Variants in FBXO4 observed in about 807,000 individuals in gnomAD.
FBXO4 encodes F-box only protein 4.
Under a neutral mutation model 43.7 loss-of-function variants are expected in FBXO4, and 36 were observed. That is an observed-to-expected ratio of 0.82 (90% CI 0.63 to 1.09). The LOEUF is 1.09. Ranked by LOEUF, FBXO4 falls within the 50% of genes least tolerant of loss-of-function variation. The pLI is 0.00. For missense variants in FBXO4, 435 were observed against 474.1 expected, an observed-to-expected ratio of 0.92 and a Z score of 0.77; for synonymous variants, 180 against 165.6, an observed-to-expected ratio of 1.09 and a Z score of -0.67.
chr5:41,987,762 A>C, the FBXO4 span, among the ~76,000 whole-genome samples: 1 of 152,220 alleles, frequency 6.6e-6, no homozygotes. Context: ...CCAACCTGAT[A>C]ATAAGCTCAT....
chr5:41,975,440 A>G, the FBXO4 span, among the ~76,000 whole-genome samples: 3 of 152,208 alleles, frequency 2.0e-5, no homozygotes, highest in South Asian at 6.2e-4. Flanking sequence ...TACTGAAGCA[A>G]GAGATCTAAA....
the FBXO4 span, among the ~76,000 whole-genome samples, chr5:41,977,016 G>C: frequency 6.6e-6 from 1 of 152,174 alleles, no homozygotes; most frequent in African/African-American, 2.4e-5. Flanking sequence ...CAAAGCTGTG[G>C]CTCAAGCTGT....
chr5:42,005,984 C>T, the FBXO4 span, among the ~76,000 whole-genome samples: 1 of 152,086 alleles, frequency 6.6e-6, no homozygotes, highest in African/African-American at 2.4e-5. Flanking sequence ...CTCTCTTCCC[C>T]TCTTTCCATA....
chr5:41,971,533 C>A, the FBXO4 span, among the ~76,000 whole-genome samples: 1 of 151,954 alleles, frequency 6.6e-6, no homozygotes, highest in Non-Finnish European at 1.5e-5. Context: ...ACTAGCATTT[C>A]ATATGCTAGA....
chr5:42,035,571 A>G, the FBXO4 span, among the ~76,000 whole-genome samples: 1,797 of 152,232 alleles, frequency 0.012, 39 homozygotes, highest in African/African-American at 0.041. Flanking sequence ...ATTACTATCA[A>G]TGTTTTCCTT....
chr5:41,995,429 T>A, the FBXO4 span, among the ~76,000 whole-genome samples: 1 of 152,192 alleles, frequency 6.6e-6, no homozygotes, highest in African/African-American at 2.4e-5. Flanking sequence ...AAGGACTAAG[T>A]GTTCTTCTCT....
chr5:41,993,971 A>T, the FBXO4 span, among the ~76,000 whole-genome samples: 2 of 152,176 alleles, frequency 1.3e-5, no homozygotes, highest in Non-Finnish European at 2.9e-5. Context: ...TCCTTTGGCA[A>T]CATCCTCACA....
chr5:41,990,316 G>A, the FBXO4 span, among the ~76,000 whole-genome samples: 7 of 152,266 alleles, frequency 4.6e-5, no homozygotes, highest in African/African-American at 1.7e-4. Flanking sequence ...AGTTCAGTGT[G>A]GTGGGCAATC....
the FBXO4 span, among the ~76,000 whole-genome samples, chr5:41,948,236 CACCATTCTCCT>C: frequency 6.6e-6 from 1 of 151,226 alleles, no homozygotes; most frequent in African/African-American, 2.4e-5. Context: ...CCCAGGTTCA[CACCATTCTCCT>C]GCCTCAGCCT....
At chr5:42,020,097 G>A in the FBXO4 span, among the ~76,000 whole-genome samples, 1 of 152,092 alleles carries the variant, frequency 6.6e-6, no homozygotes. Flanking sequence ...GAAATAGTGG[G>A]AAGAGAATGC....
the FBXO4 span, among the ~76,000 whole-genome samples, chr5:42,012,770 G>T: frequency 6.6e-6 from 1 of 152,116 alleles, no homozygotes; most frequent in Non-Finnish European, 1.5e-5. Flanking sequence ...CAAATGGCCT[G>T]CATATAACTT....
the FBXO4 span, among the ~76,000 whole-genome samples, chr5:42,002,541 T>A: frequency 3.3e-5 from 5 of 152,216 alleles, no homozygotes; most frequent in Non-Finnish European, 7.3e-5. Flanking sequence ...CTTTCCCTAA[T>A]ATAATTTTCT....
At chr5:42,031,896 C>T in the FBXO4 span, among the ~76,000 whole-genome samples, 1 of 151,940 alleles carries the variant, frequency 6.6e-6, no homozygotes, top group African/African-American at 2.4e-5. Context: ...TAGGAAGCAT[C>T]GTAAGTTCAG....
At chr5:42,023,194 T>C in the FBXO4 span, among the ~76,000 whole-genome samples, 1 of 152,002 alleles carries the variant, frequency 6.6e-6, no homozygotes, top group Admixed American at 6.6e-5. Flanking sequence ...TTTAAAAAAT[T>C]GTTATAATAG....
the FBXO4 span, among the ~76,000 whole-genome samples, chr5:42,017,743 C>A: frequency 4.0e-5 from 6 of 151,858 alleles, no homozygotes; most frequent in Non-Finnish European, 5.9e-5. Flanking sequence ...GCCTCCAGGG[C>A]CATCCATGTT....
At chr5:42,023,723 A>C in the FBXO4 span, among the ~76,000 whole-genome samples, 3 of 151,440 alleles carry the variant, frequency 2.0e-5, no homozygotes, top group African/African-American at 7.3e-5. Flanking sequence ...AATAATATGA[A>C]CCCCCATCTG....
the FBXO4 span, among the ~76,000 whole-genome samples, chr5:42,031,089 C>T: frequency 1.3e-5 from 2 of 152,094 alleles, no homozygotes; most frequent in Non-Finnish European, 2.9e-5. Flanking sequence ...ACCATTTGAC[C>T]CAGCCATCCC....
At chr5:41,999,503 A>G in the FBXO4 span, among the ~76,000 whole-genome samples, 48 of 67,510 alleles carry the variant, frequency 7.1e-4, no homozygotes, top group South Asian at 1.5e-3. Context: ...ACATATATAT[A>G]TGTGTATATA....
chr5:41,947,229 A>G, the FBXO4 span, among the ~76,000 whole-genome samples: 1 of 152,244 alleles, frequency 6.6e-6, no homozygotes, highest in African/African-American at 2.4e-5. Flanking sequence ...ATGAAAAAAG[A>G]TCATGATGTA....
Sources: allele counts gnomAD v4.1 joint callset (sites outside exome capture counted in the v4.1 genomes callset), GRCh38; gene constraint gnomAD v4.1.1; transcripts MANE v1.5; gene names NCBI Gene and HGNC (gene_info 2026-07-23, HGNC 2026-07-21).